The following AOPEP variants were observed in gnomAD, a reference collection of about 807,000 sequenced individuals.
The protein encoded by AOPEP is aminopeptidase O (putative), also known as aminopeptidase O.
In AOPEP, 77 loss-of-function variants were observed where a neutral mutation model predicts 98.1. That is an observed-to-expected ratio of 0.78 (90% CI 0.65 to 0.95). The LOEUF is 0.95. Among genes scored for constraint, AOPEP ranks in the 40% least tolerant of loss-of-function variants. The pLI, the probability that AOPEP is intolerant of heterozygous loss-of-function variation, is 0.00. For missense variants in AOPEP, 1,024 were observed against 1,024.7 expected, an observed-to-expected ratio of 1.00 and a Z score of 0.01; for synonymous variants, 346 against 365.3, an observed-to-expected ratio of 0.95 and a Z score of 0.60.
At chr9:94,908,885 C>G (rs1243983705) in intron 5 of AOPEP, among the ~76,000 whole-genome samples, 1 of 152,200 alleles carries the variant, frequency 6.6e-6, no homozygotes, top group African/African-American at 2.4e-5. Flanking sequence ...AAATAACAGA[C>G]ATGTTCATCT....
In AOPEP at chr9:94,773,110, A is replaced by G. The variant is rs757215519; in HGVS notation, c.906A>G (p.Ala302=). ...STWQATVRAA[A]SFVVLMSGEN... Reference sequence around the variant, plus strand: ...GGCAGGCTACAGTTCGAGCAGCTGCATCTTTTGTTGTTTTAATGAGTGGGG... The same window carrying G: ...GGCAGGCTACAGTTCGAGCAGCTGCGTCTTTTGTTGTTTTAATGAGTGGGG... The change falls in exon 3 of 17, where the codon GCA becomes GCG. Residue 302 remains alanine, a synonymous_variant. Transcript: ENST00000375315. 5 of 1,613,982 alleles carry G rather than the reference A, an allele frequency of 3.1e-6. No individual in the cohort carries two copies. Among genetic ancestry groups the G allele is most frequent in the Non-Finnish European group, 4.2e-6 (5 of 1,180,024 alleles).
chr9:94,958,952 A>G (rs1015654651), intron 9 of AOPEP, among the ~76,000 whole-genome samples: 6 of 151,084 alleles, frequency 4.0e-5, no homozygotes, highest in Admixed American at 6.6e-5. Context: ...CTGTTGCTTC[A>G]TTAAAGGTCA....
intron 13 of AOPEP, among the ~76,000 whole-genome samples, chr9:95,039,689 C>A (rs1587735337): frequency 6.6e-6 from 1 of 152,174 alleles, no homozygotes; most frequent in East Asian, 1.9e-4. Context: ...TAAACAGAAA[C>A]AACTTAGGAG....
chr9:95,062,294 G>T (rs1391279010), intron 14 of AOPEP, among the ~76,000 whole-genome samples: 1 of 152,160 alleles, frequency 6.6e-6, no homozygotes, highest in African/African-American at 2.4e-5. Context: ...CCTGGTGGGG[G>T]CAGATTTCTT....
intron 11 of AOPEP, among the ~76,000 whole-genome samples, chr9:94,997,445 C>T (rs2061313093): frequency 6.6e-6 from 1 of 152,132 alleles, no homozygotes; most frequent in African/African-American, 2.4e-5. Context: ...CCATAGTAAC[C>T]TATTTGAGAT....
At chr9:94,958,165 T>C (rs2058595474) in intron 9 of AOPEP, among the ~76,000 whole-genome samples, 1 of 152,262 alleles carries the variant, frequency 6.6e-6, no homozygotes, top group Admixed American at 6.5e-5. Context: ...GTATGTGGCT[T>C]ACTTCACTTA....
chr9:94,933,592 A>C (rs1341783514), intron 7 of AOPEP: 2 of 985,270 alleles, frequency 2.0e-6, no homozygotes, highest in African/African-American at 3.5e-5. Context: ...TCCCTTGATC[A>C]CAAAAACATC....
At chr9:94,787,723 T>G (rs1844748599) in intron 3 of AOPEP, among the ~76,000 whole-genome samples, 3 of 152,242 alleles carry the variant, frequency 2.0e-5, no homozygotes, top group Non-Finnish European at 4.4e-5. Context: ...ATTGATTAGT[T>G]CAATTATTTT....
At chr9:94,984,605 A>G (rs1324963207) in intron 11 of AOPEP, among the ~76,000 whole-genome samples, 1 of 152,212 alleles carries the variant, frequency 6.6e-6, no homozygotes, top group Non-Finnish European at 1.5e-5. Context: ...AAATGATAAT[A>G]TTTTGGATAC....
At chr9:95,099,559 T>C in the AOPEP span, 8 of 230,078 alleles carry the variant, frequency 3.5e-5, no homozygotes, top group African/African-American at 1.3e-4. Context: ...CCACCTGTCT[T>C]GGAGGTGGAG....
Position 94,760,052 on chromosome 9 carries a change from T to C in AOPEP, c.269T>C (p.Phe90Ser). 1 of 1,614,186 alleles carries C rather than the reference T, an allele frequency of 6.2e-7. No homozygotes were observed. The highest frequency in any genetic ancestry group is 8.5e-7 in the Non-Finnish European group (1 of 1,180,034). ...ATTCCCGTGACAAATGCAAGGACCT[T>C]CTCATCTGAAATGGAATATAATGAT... ...CHIPVTNART[F>S]SSEMEYNDFA... The change falls in exon 2 of 17, where the codon TTC becomes TCC. Residue 90 changes from phenylalanine to serine, a missense_variant. By Grantham distance (155) the Phe-to-Ser change is radical. Transcript: ENST00000375315.
chr9:95,101,358 A>AAAT, the AOPEP span: 1 of 389,556 alleles, frequency 2.6e-6, no homozygotes, highest in Non-Finnish European at 4.8e-6. Flanking sequence ...TTGAATTTTT[A>AAAT]AATAATAGAT....
intron 13 of AOPEP, among the ~76,000 whole-genome samples, chr9:95,009,603 C>G (rs755454499): frequency 6.6e-6 from 1 of 152,120 alleles, no homozygotes; most frequent in African/African-American, 2.4e-5. Context: ...TTGGCTATTA[C>G]GTGTATTAGC....
intron 1 of AOPEP, among the ~76,000 whole-genome samples, chr9:94,744,547 A>G (rs1360160256): frequency 6.6e-6 from 1 of 151,786 alleles, no homozygotes; most frequent in East Asian, 1.9e-4. Flanking sequence ...GTAAAAATAC[A>G]AAAATTAGCT....
chr9:94,798,732 C>T, intron 4 of AOPEP, among the ~76,000 whole-genome samples: 1 of 152,128 alleles, frequency 6.6e-6, no homozygotes, highest in East Asian at 1.9e-4. Context: ...ATTACTGTAG[C>T]ACATTATATA....
intron 14 of AOPEP, among the ~76,000 whole-genome samples, chr9:95,065,748 C>T (rs1390676923): frequency 6.6e-6 from 1 of 152,208 alleles, no homozygotes; most frequent in African/African-American, 2.4e-5. Flanking sequence ...TTGACACTTG[C>T]CACCTCCACC....
chr9:94,923,795 G>A (rs181412434), intron 5 of AOPEP, among the ~76,000 whole-genome samples, 191 bp from the exon 6 acceptor site: 3 of 152,216 alleles, frequency 2.0e-5, no homozygotes, highest in East Asian at 1.9e-4. Flanking sequence ...ACGGCCACCT[G>A]AACTACAGCC....
intron 15 of AOPEP, among the ~76,000 whole-genome samples, chr9:95,081,403 C>G (rs779305902): frequency 4.6e-5 from 7 of 152,226 alleles, no homozygotes; most frequent in Non-Finnish European, 7.3e-5. Flanking sequence ...CCCCATTTCC[C>G]CACTCTCCAC....
At chr9:95,047,237 ACT>A (rs2065932793) in intron 13 of AOPEP, among the ~76,000 whole-genome samples, 1 of 152,064 alleles carries the variant, frequency 6.6e-6, no homozygotes, top group African/African-American at 2.4e-5. Context: ...AAAGTGGAAG[ACT>A]CTCAGCCTAT....
Sources: allele counts gnomAD v4.1 joint callset (sites outside exome capture counted in the v4.1 genomes callset), GRCh38; gene constraint gnomAD v4.1.1; transcripts MANE v1.5; gene names NCBI Gene and HGNC (gene_info 2026-07-23, HGNC 2026-07-21).